Variants in NIN observed in about 807,000 individuals in gnomAD.
NIN encodes the protein glycogen synthase kinase 3 beta-interacting protein.
Under a neutral mutation model 257.6 loss-of-function variants are expected in NIN, and 137 were observed. The ratio of observed to expected loss-of-function variants is 0.53; its 90% CI spans 0.46 to 0.61. NIN has a LOEUF of 0.61. NIN is among the 20% of genes least tolerant of loss of function. NIN has a pLI of 0.00. For synonymous variants in NIN, 918 were observed against 919.8 expected (o/e 1.00, Z 0.04); for missense variants, 2,439 against 2,501.2 (o/e 0.98, Z 0.53).
intron 21 of NIN, among the ~76,000 whole-genome samples, chr14:50,751,367 G>A (rs1331026732): frequency 3.9e-5 from 6 of 152,138 alleles, no homozygotes; most frequent in Non-Finnish European, 7.4e-5. Context: ...ACAAAAAGGC[G>A]GTACCAGTTT....
chr14:50,723,846 G>A (rs367846890), intron 30 of NIN, 174 bp from the exon 31 acceptor site: 67 of 589,518 alleles, frequency 1.1e-4, no homozygotes, highest in South Asian at 9.0e-4. Context: ...GGACACCATT[G>A]GAACAAATCT....
At chr14:50,823,155 G>GTT (rs111307230) in intron 2 of NIN, 303 of 265,544 alleles carry the variant, frequency 1.1e-3, no homozygotes, top group East Asian at 1.9e-3. Context: ...TGAAATCTGT[G>GTT]GTTTTTTTTT....
chr14:50,743,371 A>G (rs1301227848), intron 24 of NIN, 45 bp downstream of exon 24: 3 of 1,188,824 alleles, frequency 2.5e-6, no homozygotes, highest in Non-Finnish European at 3.8e-6. Flanking sequence ...TGGAAGATCT[A>G]GGAGAATACT....
At chr14:50,732,669 T>C (rs1382065588) in intron 28 of NIN, among the ~76,000 whole-genome samples, 6 of 152,230 alleles carry the variant, frequency 3.9e-5, no homozygotes, top group Admixed American at 2.0e-4. Flanking sequence ...ACCTGAAATA[T>C]GCGAACTACA....
At chr14:50,727,154 A>G (rs1038193144) in intron 29 of NIN, 36 of 608,488 alleles carry the variant, frequency 5.9e-5, no homozygotes, top group Non-Finnish European at 7.0e-5. Context: ...TGCCCAACAA[A>G]GCAAAACAAA....
intron 27 of NIN, 73 bp downstream of exon 27, chr14:50,738,067 C>A: frequency 6.8e-7 from 1 of 1,464,848 alleles, no homozygotes; most frequent in Non-Finnish European, 9.4e-7. Context: ...AGAAGTACAC[C>A]TGAGAAGAAA....
chr14:50,772,014 A>C (rs986300068), intron 9 of NIN: 11 of 280,192 alleles, frequency 3.9e-5, no homozygotes, highest in Non-Finnish European at 5.4e-5. Flanking sequence ...AAAAAACAAA[A>C]AAAAAACACA....
At chr14:50,783,268 C>A (rs940745991) in intron 5 of NIN, among the ~76,000 whole-genome samples, 2 of 150,974 alleles carry the variant, frequency 1.3e-5, no homozygotes, top group Non-Finnish European at 2.9e-5. Flanking sequence ...GTTGCCCAGG[C>A]TGGTCTCAAA....
intron 4 of NIN, among the ~76,000 whole-genome samples, chr14:50,794,736 T>C (rs17122898): frequency 0.22 from 32,932 of 150,456 alleles, 5,056 homozygotes; most frequent in African/African-American, 0.44. Context: ...GGAGCTCTTA[T>C]TGCATGCTGC....
chr14:50,730,843 A>C (rs1439278623), intron 28 of NIN: 2 of 1,121,808 alleles, frequency 1.8e-6, no homozygotes, highest in Non-Finnish European at 2.3e-6. Flanking sequence ...TAACTGTTAC[A>C]ATCAACAGAA....
rs1220086627 is a variant in NIN, at chr14:50,756,384, C to T, written c.4538+108G>A. The T allele has an allele frequency of 9.2e-6, 11 of 1,200,208 alleles. No homozygotes were observed. In the East Asian group the frequency reaches 2.3e-4, roughly 26 times the overall value. The allele number at this position is 1,200,208 out of a possible 1,614,324, so 74.3% of individuals were successfully genotyped here. On this transcript the variant is annotated intron_variant, in intron 18 of 30. Transcript: ENST00000530997. Reference sequence around the variant, plus strand: ...AAGGAAGTCTAGAGAGTACTGCTCTCTTCGTGAAGACTACTAGGTTAGTTT... The same window carrying T: ...AAGGAAGTCTAGAGAGTACTGCTCTTTTCGTGAAGACTACTAGGTTAGTTT...
At chr14:50,800,003 CACAT>C (rs2044017592) in intron 4 of NIN, among the ~76,000 whole-genome samples, 1 of 89,938 alleles carries the variant, frequency 1.1e-5, no homozygotes, top group Admixed American at 1.2e-4. Context: ...AATATATATA[CACAT>C]ACACACACAC....
At chr14:50,822,963 T>G (rs2045295204) in intron 2 of NIN, among the ~76,000 whole-genome samples, 1 of 152,162 alleles carries the variant, frequency 6.6e-6, no homozygotes, top group Non-Finnish European at 1.5e-5. Flanking sequence ...CTCCACTCAC[T>G]AAAGCATCTC....
intron 3 of NIN, among the ~76,000 whole-genome samples, chr14:50,817,996 G>C (rs566444866): frequency 6.6e-6 from 1 of 151,250 alleles, no homozygotes; most frequent in Non-Finnish European, 1.5e-5. Flanking sequence ...GATTACAGGC[G>C]TGAGTCACCG....
rs2041684614 is a variant in NIN, at chr14:50,749,211, A to T, written c.4951-1106T>A. ...ACCTGACAAAAACAAGAAATGGGGA[A>T]AGGATTCCCTATTTAATAAATGGTG... On this transcript the variant is annotated intron_variant, in intron 21 of 30. Transcript: ENST00000530997. Among the ~76,000 whole-genome samples the T allele has an allele frequency of 2.0e-5, 3 of 152,244 alleles. No homozygotes were observed. The South Asian group carries it at 6.2e-4, about 32-fold the overall frequency.
At position 50,822,022 on chromosome 14, in the gene NIN, C is replaced by T. The variant is rs145983238; in HGVS notation, c.35G>A (p.Arg12Gln). Residue 12 changes from arginine to glutamine, a missense_variant, in exon 3 of 31, where the codon CGA becomes CAA. Transcript: ENST00000530997. Reference sequence around the variant, plus strand: ...AAAACTGTCAAACAGCTCCTTGAGTCGGGCCTCATGCTGGTCCTGCTCCAC... The same window carrying T: ...AAAACTGTCAAACAGCTCCTTGAGTTGGGCCTCATGCTGGTCCTGCTCCAC... The part of the protein sequence containing the change: ...DEVEQDQHEA[R>Q]LKELFDSFDT... The T allele has an allele frequency of 2.1e-4, 332 of 1,613,914 alleles. No individual in the cohort carries two copies. Among genetic ancestry groups the T allele is most frequent in the Non-Finnish European group, 2.7e-4 (323 of 1,179,924 alleles).
intron 29 of NIN, 154 bp from the exon 30 acceptor site, chr14:50,726,220 C>G: frequency 1.6e-6 from 1 of 608,672 alleles, no homozygotes; most frequent in Non-Finnish European, 2.9e-6. Flanking sequence ...TTGAGCCCTG[C>G]ATGGATTGCA....
chr14:50,758,098 G>C lies in NIN; in HGVS notation c.2932C>G (p.Gln978Glu). Residue 978 changes from glutamine to glutamate, a missense_variant, in exon 18 of 31, where the codon CAG (glutamine) becomes GAG (glutamate). Coordinates refer to ENST00000530997, the MANE Select transcript of NIN (RefSeq NM_020921.4). ...RLERLEMEHDQERQEMMSKLL... is the reference protein window; with the variant it reads ...RLERLEMEHDEERQEMMSKLL... ...TTGGACATCATTTCCTGCCTTTCCTGGTCATGTTCCATTTCTAGTCTTTCC... is the reference window on the plus strand; with the variant it reads ...TTGGACATCATTTCCTGCCTTTCCTCGTCATGTTCCATTTCTAGTCTTTCC... The C allele has an allele frequency of 6.2e-7, 1 of 1,614,166 alleles. No homozygotes were observed. The highest frequency in any genetic ancestry group is 8.5e-7 in the Non-Finnish European group (1 of 1,180,020).
At chr14:50,751,988 C>G (rs1014371805) in intron 21 of NIN, among the ~76,000 whole-genome samples, 1 of 152,052 alleles carries the variant, frequency 6.6e-6, no homozygotes, top group African/African-American at 2.4e-5. Flanking sequence ...CCTAGTTTGT[C>G]AGCTGTCTTC....
Sources: gnomAD v4.1 joint callset for allele counts (sites outside exome capture counted in the v4.1 genomes callset) on GRCh38, gnomAD v4.1.1 for gene constraint, MANE v1.5 for transcripts, NCBI Gene and HGNC (gene_info 2026-07-23, HGNC 2026-07-21) for gene names.